LEKR1: variants seen among roughly 807,000 people sequenced by gnomAD.
The protein encoded by LEKR1 is leucine, glutamate and lysine rich 1.
LEKR1 carries 59 observed loss-of-function variants against 72.4 expected under a neutral mutation model. The ratio of observed to expected loss-of-function variants is 0.82; its 90% confidence interval spans 0.66 to 1.01. The LOEUF (loss-of-function observed/expected upper bound fraction) is 1.01. Among genes scored for constraint, LEKR1 ranks in the 50% least tolerant of loss-of-function variants. The pLI, the probability that LEKR1 is intolerant of heterozygous loss-of-function variation, is 0.00. For synonymous variants in LEKR1, 257 were observed against 263.2 expected (o/e 0.98, Z 0.23); for missense variants, 728 against 759.2 (o/e 0.96, Z 0.48).
chr3:157,024,095 A>T (rs1435726911), intron 10 of LEKR1, among the ~76,000 whole-genome samples: 2 of 152,222 alleles, frequency 1.3e-5, no homozygotes, highest in African/African-American at 4.8e-5. Context: ...AGAGAGTATC[A>T]TACTTCATAT....
At chr3:156,976,073 T>C (rs1442819648) in intron 6 of LEKR1, among the ~76,000 whole-genome samples, 1 of 152,138 alleles carries the variant, frequency 6.6e-6, no homozygotes, top group Non-Finnish European at 1.5e-5. Flanking sequence ...TGTTTCTTTA[T>C]TTATTAAGGA....
chr3:156,930,453 G>T (rs1332896576), intron 5 of LEKR1, among the ~76,000 whole-genome samples: 1 of 151,968 alleles, frequency 6.6e-6, no homozygotes, highest in African/African-American at 2.4e-5. Flanking sequence ...TGGAGAGGTG[G>T]ATAAATGGAT....
chr3:156,959,072 T>C (rs1049963974), intron 6 of LEKR1, among the ~76,000 whole-genome samples: 1 of 152,192 alleles, frequency 6.6e-6, no homozygotes, highest in Non-Finnish European at 1.5e-5. Context: ...TCATAGCTTT[T>C]CCAGCTTATT....
At chr3:156,892,367 T>C (rs1720753162) in intron 3 of LEKR1, among the ~76,000 whole-genome samples, 2 of 152,172 alleles carry the variant, frequency 1.3e-5, no homozygotes, top group African/African-American at 2.4e-5. Context: ...CAACTATTCC[T>C]GGACGAAATT....
At chr3:156,984,500 A>C (rs2108003084) in intron 7 of LEKR1, among the ~76,000 whole-genome samples, 1 of 152,204 alleles carries the variant, frequency 6.6e-6, no homozygotes, top group South Asian at 2.1e-4. Context: ...AATATGGTGA[A>C]ACCTCGCCTT....
chr3:156,829,317 A>G lies in LEKR1; in HGVS notation c.-13A>G, dbSNP rs192904546. On this transcript the variant is annotated 5_prime_UTR_variant, in exon 2 of 13. The change creates a new upstream start codon in the 5' untranslated region. Transcript: ENST00000356539. ...TTTGGCTTCAAAGCTCTCTCACCAT[A>G]TTTTGGGAAGTTATGGATCATCACA... The G allele has an allele frequency of 4.0e-3, 6,101 of 1,525,510 alleles. 23 individuals are homozygous for G. Among genetic ancestry groups the G allele is most frequent in the Non-Finnish European group, 4.8e-3 (5,497 of 1,137,770 alleles). The allele number at this position is 1,525,510 out of a possible 1,614,324, so 94.5% of individuals were successfully genotyped here. A position where few individuals can be genotyped will look rare whatever the true frequency, so the allele number is the denominator to read the frequency against.
intron 2 of LEKR1, among the ~76,000 whole-genome samples, chr3:156,835,669 C>T (rs991496466): frequency 6.6e-6 from 1 of 152,068 alleles, no homozygotes. Context: ...CAAGTATCAC[C>T]CTGTAGTAAC....
intron 5 of LEKR1, among the ~76,000 whole-genome samples, chr3:156,929,796 G>T (rs61744181): frequency 0.011 from 1,672 of 152,184 alleles, 34 homozygotes; most frequent in African/African-American, 0.038. Context: ...TGCATGTTCT[G>T]TTCTAAGCGT....
chr3:156,968,249 T>C (rs983375605), intron 6 of LEKR1, among the ~76,000 whole-genome samples: 2 of 152,172 alleles, frequency 1.3e-5, no homozygotes, highest in Non-Finnish European at 2.9e-5. Flanking sequence ...AACATCATAA[T>C]GACAGGATCA....
intron 3 of LEKR1, among the ~76,000 whole-genome samples, chr3:156,891,233 GTGTT>G (rs1321064121): frequency 1.3e-5 from 2 of 152,080 alleles, no homozygotes; most frequent in Non-Finnish European, 2.9e-5. Context: ...AAGCATCTTT[GTGTT>G]TGTTTATACT....
intron 12 of LEKR1, among the ~76,000 whole-genome samples, chr3:157,034,869 G>A (rs1207257762): frequency 6.6e-6 from 1 of 152,094 alleles, no homozygotes; most frequent in Non-Finnish European, 1.5e-5. Flanking sequence ...CTGGAGTGCA[G>A]TGGCGCAATC....
At chr3:156,871,470 C>G (rs1213803744) in intron 3 of LEKR1, among the ~76,000 whole-genome samples, 3 of 152,066 alleles carry the variant, frequency 2.0e-5, no homozygotes, top group Non-Finnish European at 4.4e-5. Context: ...GGGTATATAC[C>G]CAGTAATGGG....
At chr3:156,986,405 T>C (rs1299871016) in intron 7 of LEKR1, among the ~76,000 whole-genome samples, 1 of 152,160 alleles carries the variant, frequency 6.6e-6, no homozygotes, top group Non-Finnish European at 1.5e-5. Context: ...GGTGGAAGGC[T>C]GTGCATTCAT....
chr3:156,972,680 C>A, intron 6 of LEKR1, among the ~76,000 whole-genome samples: 1 of 147,506 alleles, frequency 6.8e-6, no homozygotes, highest in South Asian at 2.2e-4. Flanking sequence ...TATTTGTACA[C>A]TGAATCTAAG....
Position 157,039,491 on chromosome 3 carries a change from C to T in LEKR1, c.1669-5849C>T, listed in dbSNP as rs188471097. The stretch of plus-strand genomic sequence containing the variant: ...AAAATTAGCTGGGCATGGTGGCACA[C>T]GCCTGTAGTCCCAGCTACTTGGGAA... On this transcript the variant is annotated intron_variant, in intron 12 of 12. Transcript: ENST00000356539. 6.6e-5 allele frequency among the ~76,000 whole-genome samples: 10 copies of T among 152,124 alleles called. No individual in the cohort carries two copies. In the East Asian group the frequency reaches 9.7e-4, roughly 15 times the overall value.
At chr3:156,919,026 C>T (rs1723928079) in intron 3 of LEKR1, among the ~76,000 whole-genome samples, 2 of 152,106 alleles carry the variant, frequency 1.3e-5, no homozygotes, top group South Asian at 4.1e-4. Context: ...TTTGCTCTGG[C>T]AAGAATGGAT....
At chr3:156,863,703 C>A (rs1022040055) in intron 3 of LEKR1, among the ~76,000 whole-genome samples, 1 of 152,074 alleles carries the variant, frequency 6.6e-6, no homozygotes, top group African/African-American at 2.4e-5. Flanking sequence ...GATGCTCACA[C>A]AGCTGATCAA....
intron 3 of LEKR1, among the ~76,000 whole-genome samples, chr3:156,865,608 TATC>T: frequency 2.3e-4 from 1 of 4,332 alleles, no homozygotes; most frequent in East Asian, 3.2e-3. Flanking sequence ...CATCTCCCTC[TATC>T]ATTGCCCATT....
chr3:156,968,192 C>T (rs970443277), intron 6 of LEKR1, among the ~76,000 whole-genome samples: 7 of 152,238 alleles, frequency 4.6e-5, no homozygotes, highest in South Asian at 4.1e-4. Flanking sequence ...TAAAGACCAT[C>T]GAGGCTAGGA....
Sources: gnomAD v4.1 joint callset for allele counts (sites outside exome capture counted in the v4.1 genomes callset) on GRCh38, gnomAD v4.1.1 for gene constraint, MANE v1.5 for transcripts, NCBI Gene and HGNC (gene_info 2026-07-23, HGNC 2026-07-21) for gene names.